CDH12: variants seen among roughly 807,000 people sequenced by gnomAD.
The protein encoded by CDH12 is cadherin 12.
In CDH12, 41 loss-of-function variants were observed where a neutral mutation model predicts 74.1. The observed-to-expected ratio is 0.55, with a 90% CI of 0.43 to 0.72. CDH12 has a LOEUF of 0.72. CDH12 is among the 30% of genes least tolerant of loss of function. The pLI, the probability that CDH12 is intolerant of heterozygous loss-of-function variation, is 0.00. For missense variants in CDH12, 945 were observed against 977.2 expected (o/e 0.97, Z 0.44); for synonymous variants, 399 against 355.0 (o/e 1.12, Z -1.39).
intron 4 of CDH12, among the ~76,000 whole-genome samples, chr5:22,195,619 T>A (rs1415191325): frequency 6.6e-6 from 1 of 152,212 alleles, no homozygotes; most frequent in Non-Finnish European, 1.5e-5. Context: ...CTTTACCTCA[T>A]TTAATTCTCA....
At chr5:22,850,327 A>G (rs1475151707) in intron 1 of CDH12, among the ~76,000 whole-genome samples, 1 of 152,100 alleles carries the variant, frequency 6.6e-6, no homozygotes, top group Non-Finnish European at 1.5e-5. Flanking sequence ...GTAAGTCAGG[A>G]AAAAGCTGCA....
At chr5:22,027,282 G>T (rs1738431031) in intron 5 of CDH12, among the ~76,000 whole-genome samples, 1 of 151,878 alleles carries the variant, frequency 6.6e-6, no homozygotes, top group Non-Finnish European at 1.5e-5. Flanking sequence ...TCTCTTTTTT[G>T]GTTGTGTCTC....
At chr5:21,854,816 A>C (rs1750670423) in intron 6 of CDH12, 26 bp from the exon 7 acceptor site, 1 of 1,594,510 alleles carries the variant, frequency 6.3e-7, no homozygotes, top group African/African-American at 1.4e-5. Context: ...ATATCACTCT[A>C]GCATTTTTGT....
chr5:22,448,175 A>G (rs1007281364), intron 2 of CDH12, among the ~76,000 whole-genome samples: 1 of 151,378 alleles, frequency 6.6e-6, no homozygotes, highest in African/African-American at 2.4e-5. Context: ...AAAAAAAATT[A>G]TATGTGTGTG....
At chr5:22,165,509 C>T (rs1450833283) in intron 4 of CDH12, among the ~76,000 whole-genome samples, 6 of 6,856 alleles carry the variant, frequency 8.8e-4, no homozygotes, top group East Asian at 0.023. Flanking sequence ...CATACACACA[C>T]ACATACACAC....
intron 1 of CDH12, among the ~76,000 whole-genome samples, chr5:22,803,526 T>C (rs189319112): frequency 9.2e-5 from 14 of 152,324 alleles, no homozygotes; most frequent in African/African-American, 3.4e-4. Context: ...AAGTTTTTGG[T>C]GCTTAACTGT....
At chr5:22,335,009 T>C (rs1379617416) in intron 3 of CDH12, among the ~76,000 whole-genome samples, 1 of 151,902 alleles carries the variant, frequency 6.6e-6, no homozygotes, top group African/African-American at 2.4e-5. Flanking sequence ...TTACATCAAG[T>C]TAAAAAGCTT....
At chr5:21,772,112 T>G (rs1745354596) in intron 11 of CDH12, among the ~76,000 whole-genome samples, 1 of 152,186 alleles carries the variant, frequency 6.6e-6, no homozygotes. Flanking sequence ...AGAGGTCCAT[T>G]CAGTGAGTTG....
chr5:22,759,812 G>A (rs1164054384), intron 1 of CDH12, among the ~76,000 whole-genome samples: 1 of 152,178 alleles, frequency 6.6e-6, no homozygotes, highest in African/African-American at 2.4e-5. Flanking sequence ...TGCAGTTGTG[G>A]ATGCTGGATA....
intron 1 of CDH12, among the ~76,000 whole-genome samples, chr5:22,765,219 CCA>C (rs1324699314): frequency 1.1e-4 from 16 of 151,710 alleles, no homozygotes; most frequent in African/African-American, 3.9e-4. Flanking sequence ...TAAAGGAAGC[CCA>C]CACAAAAACT....
At chr5:21,811,596 C>T (rs1747747690) in intron 9 of CDH12, among the ~76,000 whole-genome samples, 1 of 151,774 alleles carries the variant, frequency 6.6e-6, no homozygotes, top group South Asian at 2.1e-4. Context: ...CTTATTCTGT[C>T]ATTGTAAATG....
At chr5:22,170,221 T>G (rs1580353115) in intron 4 of CDH12, among the ~76,000 whole-genome samples, 1 of 152,010 alleles carries the variant, frequency 6.6e-6, no homozygotes, top group East Asian at 1.9e-4. Flanking sequence ...TATATTTTAT[T>G]GAAGATATCA....
At chr5:22,355,019 A>G (rs1016486971) in intron 3 of CDH12, among the ~76,000 whole-genome samples, 1 of 152,150 alleles carries the variant, frequency 6.6e-6, no homozygotes, top group Non-Finnish European at 1.5e-5. Context: ...CCTTCTCAGG[A>G]TAATTGCCTA....
Position 22,092,585 on chromosome 5 carries a change from A to T in CDH12, c.-186-13723T>A, listed in dbSNP as rs1469173484. ...GTGAAGATGGCTATAATAGAAAAAT[A>T]ACATAGTAACAAATGTTGAAGGAGG... On this transcript the variant is annotated intron_variant, in intron 4 of 14. Coordinates refer to ENST00000382254, the MANE Select transcript of CDH12 (RefSeq NM_004061.5). 2.0e-5 allele frequency among the ~76,000 whole-genome samples: 3 copies of T among 152,274 alleles called. No homozygotes were observed. The East Asian group carries it at 5.8e-4, about 29-fold the overall frequency.
At chr5:22,075,211 C>CA (rs1241355276) in intron 5 of CDH12, among the ~76,000 whole-genome samples, 3 of 147,300 alleles carry the variant, frequency 2.0e-5, no homozygotes, top group African/African-American at 7.5e-5. Flanking sequence ...ATCGCAAGGA[C>CA]AAAAAACCAA....
At chr5:22,821,685 G>C (rs979120788) in intron 1 of CDH12, among the ~76,000 whole-genome samples, 4 of 151,898 alleles carry the variant, frequency 2.6e-5, no homozygotes, top group East Asian at 1.9e-4. Context: ...GGATGTGAAG[G>C]ACCTCTTCAA....
At chr5:22,800,033 A>C (rs747078445) in intron 1 of CDH12, among the ~76,000 whole-genome samples, 9 of 152,176 alleles carry the variant, frequency 5.9e-5, no homozygotes, top group Non-Finnish European at 1.3e-4. Flanking sequence ...TTACGTGATA[A>C]ATGCTAGGAA....
At chr5:22,003,212 A>T (rs1237933510) in intron 5 of CDH12, among the ~76,000 whole-genome samples, 1 of 152,178 alleles carries the variant, frequency 6.6e-6, no homozygotes, top group Non-Finnish European at 1.5e-5. Flanking sequence ...ATGTATAAAA[A>T]GAACTATAAT....
rs1334309422 is a variant in CDH12 at position 21,784,373 on chromosome 5, G to T, written c.1257-879C>A. Among the ~76,000 whole-genome samples, 3 of 151,970 alleles carry T rather than the reference G, an allele frequency of 2.0e-5. No individual in the cohort carries two copies. In the East Asian group the frequency reaches 5.8e-4, roughly 30 times the overall value. ...GTTATTCTCAATGCTTACACATTGA[G>T]AATAAAAAATGTCTGCAGAATAGTA... On this transcript the variant is annotated intron_variant, in intron 10 of 14. Coordinates refer to ENST00000382254, the MANE Select transcript of CDH12 (RefSeq NM_004061.5).
Sources: gnomAD v4.1 joint callset for allele counts (sites outside exome capture counted in the v4.1 genomes callset) on GRCh38, gnomAD v4.1.1 for gene constraint, MANE v1.5 for transcripts, NCBI Gene and HGNC (gene_info 2026-07-23, HGNC 2026-07-21) for gene names.